KCTD16: variants seen among roughly 807,000 people sequenced by gnomAD.
The protein encoded by KCTD16 is BTB/POZ domain-containing protein KCTD16.
KCTD16 carries 13 observed loss-of-function variants against 33.2 expected under a neutral mutation model. The observed-to-expected ratio is 0.39, with a 90% CI of 0.25 to 0.62. The LOEUF is 0.62. Ranked by LOEUF, KCTD16 falls within the 20% of genes least tolerant of loss-of-function variation. KCTD16 has a pLI of 0.50. For synonymous variants in KCTD16, 197 were observed against 195.3 expected (o/e 1.01, Z -0.07); for missense variants, 441 against 525.1 (o/e 0.84, Z 1.57).
intron 3 of KCTD16, among the ~76,000 whole-genome samples, chr5:144,413,285 T>C (rs1171293682): frequency 6.6e-6 from 1 of 152,040 alleles, no homozygotes; most frequent in East Asian, 1.9e-4. Flanking sequence ...GACAGAGAGG[T>C]CCTCAGAAGA....
chr5:144,279,260 TTTA>T (rs1173476894), intron 3 of KCTD16, among the ~76,000 whole-genome samples: 1 of 152,226 alleles, frequency 6.6e-6, no homozygotes, highest in Admixed American at 6.5e-5. Flanking sequence ...GACAGTTTTA[TTTA>T]TTCTTTCCTA....
chr5:144,394,622 A>G (rs1213124808), intron 3 of KCTD16, among the ~76,000 whole-genome samples: 2 of 152,202 alleles, frequency 1.3e-5, no homozygotes, highest in Non-Finnish European at 2.9e-5. Flanking sequence ...GGACCCAGTG[A>G]GATGTGAATG....
intron 3 of KCTD16, among the ~76,000 whole-genome samples, chr5:144,353,718 A>G (rs1181527233): frequency 1.3e-5 from 2 of 152,166 alleles, no homozygotes; most frequent in Non-Finnish European, 1.5e-5. Context: ...GAGCTTTCCT[A>G]AGTTTAAGGA....
chr5:144,202,640 T>C (rs1473816889), intron 2 of KCTD16, among the ~76,000 whole-genome samples: 2 of 152,218 alleles, frequency 1.3e-5, no homozygotes, highest in Non-Finnish European at 2.9e-5. Context: ...AAAGTAGATA[T>C]GCCCAAATAG....
At chr5:144,360,669 A>G (rs1197876128) in intron 3 of KCTD16, among the ~76,000 whole-genome samples, 2 of 152,216 alleles carry the variant, frequency 1.3e-5, no homozygotes, top group South Asian at 2.1e-4. Flanking sequence ...TGAGCTCGTG[A>G]TCCACCCACC....
chr5:144,330,206 A>C (rs1165995971), intron 3 of KCTD16, among the ~76,000 whole-genome samples: 7 of 152,108 alleles, frequency 4.6e-5, no homozygotes, highest in South Asian at 2.1e-4. Flanking sequence ...TGAGGTTAGG[A>C]GTTTGAGACC....
intron 3 of KCTD16, among the ~76,000 whole-genome samples, chr5:144,296,655 TCATC>T (rs1756045483): frequency 6.6e-6 from 1 of 152,200 alleles, no homozygotes; most frequent in South Asian, 2.1e-4. Context: ...AGAGAATTCG[TCATC>T]CTCTGGAGCA....
chr5:144,320,924 C>A (rs958954705), intron 3 of KCTD16, among the ~76,000 whole-genome samples: 1 of 152,076 alleles, frequency 6.6e-6, no homozygotes, highest in African/African-American at 2.4e-5. Flanking sequence ...GGCGTGATCT[C>A]GGCTTACTGC....
At chr5:144,366,070 A>G (rs948958659) in intron 3 of KCTD16, among the ~76,000 whole-genome samples, 10 of 152,158 alleles carry the variant, frequency 6.6e-5, no homozygotes, top group African/African-American at 2.4e-4. Flanking sequence ...TACTTTTTAC[A>G]TTTGCATATT....
At chr5:144,364,470 C>T (rs1212863502) in intron 3 of KCTD16, among the ~76,000 whole-genome samples, 1 of 152,132 alleles carries the variant, frequency 6.6e-6, no homozygotes, top group Non-Finnish European at 1.5e-5. Context: ...AGCATGACTC[C>T]ACAGGTTATC....
At chr5:144,246,109 C>G (rs1207906983) in intron 3 of KCTD16, among the ~76,000 whole-genome samples, 1 of 152,110 alleles carries the variant, frequency 6.6e-6, no homozygotes, top group Non-Finnish European at 1.5e-5. Flanking sequence ...TGCTGCATCA[C>G]AGAGATCAGC....
At chr5:144,309,755 T>A (rs1359375711) in intron 3 of KCTD16, among the ~76,000 whole-genome samples, 1 of 151,906 alleles carries the variant, frequency 6.6e-6, no homozygotes, top group Non-Finnish European at 1.5e-5. Flanking sequence ...CCCAAGACAA[T>A]CCTATGAGAG....
At chr5:144,285,602 GT>G (rs1237614499) in intron 3 of KCTD16, among the ~76,000 whole-genome samples, 1 of 152,144 alleles carries the variant, frequency 6.6e-6, no homozygotes, top group Non-Finnish European at 1.5e-5. Flanking sequence ...TATACTGTGG[GT>G]CTTTCACTGG....
chr5:144,454,487 T>C (rs1754017309), intron 3 of KCTD16, among the ~76,000 whole-genome samples: 1 of 151,092 alleles, frequency 6.6e-6, no homozygotes. Flanking sequence ...GATTTCCAAA[T>C]TATAAATTGG....
intron 3 of KCTD16, among the ~76,000 whole-genome samples, chr5:144,265,177 G>C (rs1403235052): frequency 1.3e-5 from 2 of 152,144 alleles, no homozygotes; most frequent in Admixed American, 6.5e-5. Context: ...GAACTTTACA[G>C]GTGTCAGAAA....
intron 3 of KCTD16, chr5:144,383,052 A>T (rs1272109508): frequency 6.6e-6 from 1 of 152,060 alleles, no homozygotes; most frequent in Non-Finnish European, 1.5e-5. Context: ...TTCTTTCCTT[A>T]CTGTTACCTC....
At chr5:144,199,707 ATTTTTTTTTTTT>A (rs574670606) in intron 2 of KCTD16, among the ~76,000 whole-genome samples, 62 of 67,726 alleles carry the variant, frequency 9.2e-4, no homozygotes, top group Admixed American at 2.1e-3. Context: ...GAACAGCTTC[ATTTTTTTTTTTT>A]TTTTTTTTTT....
chr5:144,340,077 T>C (rs1300472556), intron 3 of KCTD16, among the ~76,000 whole-genome samples: 2 of 152,120 alleles, frequency 1.3e-5, no homozygotes, highest in African/African-American at 4.8e-5. Context: ...TGATCAGATA[T>C]TTTGAAGCAG....
At chr5:144,360,220 T>A (rs1287011620) in intron 3 of KCTD16, among the ~76,000 whole-genome samples, 7 of 152,106 alleles carry the variant, frequency 4.6e-5, no homozygotes, top group Non-Finnish European at 8.8e-5. Flanking sequence ...TTAGGTATTT[T>A]GGTATTTCTC....
Sources: gnomAD v4.1 joint callset for allele counts (sites outside exome capture counted in the v4.1 genomes callset) on GRCh38, gnomAD v4.1.1 for gene constraint, MANE v1.5 for transcripts, NCBI Gene and HGNC (gene_info 2026-07-23, HGNC 2026-07-21) for gene names.